The following COL10A1 variants were observed in gnomAD, a reference collection of about 807,000 sequenced individuals.
COL10A1 encodes the protein collagen type X alpha 1 chain.
Under a neutral mutation model 18.2 loss-of-function variants are expected in COL10A1, and 10 were observed. The observed-to-expected ratio is 0.55, with a 90% confidence interval of 0.34 to 0.93. The LOEUF is 0.93. Among genes scored for constraint, COL10A1 ranks in the 40% least tolerant of loss-of-function variants. The probability of loss-of-function intolerance (pLI) is 0.02; values close to 1 mark genes in which losing one functional copy is unlikely to be tolerated. For synonymous variants in COL10A1, 330 were observed against 316.6 expected (o/e 1.04, Z -0.45); for missense variants, 897 against 853.5 (o/e 1.05, Z -0.64).
intron 1 of COL10A1, among the ~76,000 whole-genome samples, chr6:116,142,973 T>A (rs1312264648): frequency 6.6e-6 from 1 of 152,146 alleles, no homozygotes; most frequent in Non-Finnish European, 1.5e-5. Flanking sequence ...GGTGGGAAAA[T>A]TTGATGGATA....
At chr6:116,133,306 C>A (rs6915121) in intron 1 of COL10A1, among the ~76,000 whole-genome samples, 140 of 152,268 alleles carry the variant, frequency 9.2e-4, no homozygotes, top group African/African-American at 3.3e-3. Flanking sequence ...ACAACTTCAG[C>A]TTTCACATGC....
the COL10A1 span, among the ~76,000 whole-genome samples, chr6:116,182,631 C>T: frequency 7.2e-5 from 11 of 151,868 alleles, no homozygotes; most frequent in Non-Finnish European, 1.5e-4. Flanking sequence ...TTTCCCTGAT[C>T]GCTAGTGATG....
chr6:116,129,637 G>A (rs1357954555), upstream of COL10A1, among the ~76,000 whole-genome samples: 5 of 152,224 alleles, frequency 3.3e-5, no homozygotes, highest in East Asian at 7.7e-4. Context: ...CCATCCTCTT[G>A]GACTTCCTAG....
chr6:116,147,970 GCGAGAC>G (rs1432156830), intron 1 of COL10A1, among the ~76,000 whole-genome samples: 1 of 151,270 alleles, frequency 6.6e-6, no homozygotes, highest in East Asian at 1.9e-4. Context: ...TGGCGACAGA[GCGAGAC>G]TCTGTCTCAA....
At chr6:116,189,169 TA>T in the COL10A1 span, among the ~76,000 whole-genome samples, 1 of 151,930 alleles carries the variant, frequency 6.6e-6, no homozygotes, top group African/African-American at 2.4e-5. Flanking sequence ...TTCTTTTTTT[TA>T]GTTGACCACT....
the COL10A1 span, among the ~76,000 whole-genome samples, chr6:116,175,283 A>G: frequency 6.6e-6 from 1 of 152,098 alleles, no homozygotes; most frequent in African/African-American, 2.4e-5. Context: ...TTCTGACACT[A>G]TAGGTTAGTT....
At chr6:116,182,222 A>AGTGTGTGTGTGTGTGT in the COL10A1 span, among the ~76,000 whole-genome samples, 342 of 124,676 alleles carry the variant, frequency 2.7e-3, 3 homozygotes, top group African/African-American at 9.6e-3. Flanking sequence ...TTCCATGGAG[A>AGTGTGTGTGTGTGTGT]GTGTGTGTGT....
At chr6:116,207,341 T>C in the COL10A1 span, among the ~76,000 whole-genome samples, 1 of 143,442 alleles carries the variant, frequency 7.0e-6, no homozygotes, top group Non-Finnish European at 1.5e-5. Flanking sequence ...TTTTTTATGG[T>C]GGACTTAATG....
the COL10A1 span, among the ~76,000 whole-genome samples, chr6:116,202,872 A>G: frequency 6.6e-6 from 1 of 152,022 alleles, no homozygotes; most frequent in Non-Finnish European, 1.5e-5. Flanking sequence ...CTTAACTAGA[A>G]AATCTTAAGG....
At chr6:116,179,881 C>T in the COL10A1 span, among the ~76,000 whole-genome samples, 1 of 152,124 alleles carries the variant, frequency 6.6e-6, no homozygotes, top group Non-Finnish European at 1.5e-5. Flanking sequence ...AAATCACTCT[C>T]ATCCTAAAGG....
chr6:116,121,060 C>G lies in COL10A1; in HGVS notation c.1056G>C (p.Pro352=). 6.2e-7 allele frequency: 1 copy of G among 1,614,062 alleles called. No individual in the cohort carries two copies. The highest frequency in any genetic ancestry group is 8.5e-7 in the Non-Finnish European group (1 of 1,179,956). ...TAGGGCCTGGGAGACCATGGCTACC[C>G]GGGATGCCTTTTGGTCCTTGGGGTC... ...NMGPQGPKGI[P]GSHGLPGPKG... The change falls in exon 3 of 3, where the codon CCG becomes CCC. Residue 352 remains proline (P), a synonymous_variant. Transcript: ENST00000651968.
At chr6:116,170,838 C>T in the COL10A1 span, among the ~76,000 whole-genome samples, 9 of 152,266 alleles carry the variant, frequency 5.9e-5, no homozygotes, top group East Asian at 7.7e-4. Context: ...TCCCACCTGC[C>T]GTGTAGCCTA....
At chr6:116,183,715 G>A in the COL10A1 span, among the ~76,000 whole-genome samples, 2 of 151,826 alleles carry the variant, frequency 1.3e-5, no homozygotes, top group Admixed American at 6.6e-5. Context: ...CACTGTTAGT[G>A]TATAGCAGGG....
At chr6:116,190,828 AG>A in the COL10A1 span, among the ~76,000 whole-genome samples, 2 of 152,114 alleles carry the variant, frequency 1.3e-5, no homozygotes, top group East Asian at 3.9e-4. Context: ...TAATCCAAGA[AG>A]GTGCCAGAGA....
chr6:116,153,353 A>G (rs2114403402), intron 1 of COL10A1, among the ~76,000 whole-genome samples: 1 of 152,168 alleles, frequency 6.6e-6, no homozygotes, highest in Non-Finnish European at 1.5e-5. Flanking sequence ...TTTCACAAAC[A>G]TCTTGAGGGT....
chr6:116,166,076 C>T, the COL10A1 span, among the ~76,000 whole-genome samples: 1 of 152,126 alleles, frequency 6.6e-6, no homozygotes, highest in Non-Finnish European at 1.5e-5. Context: ...GACAATTTGG[C>T]AGTCAGCAGC....
At chr6:116,161,252 T>C (rs1027434740), upstream of COL10A1, among the ~76,000 whole-genome samples, 3 of 149,200 alleles carry the variant, frequency 2.0e-5, no homozygotes, top group Non-Finnish European at 3.0e-5. Context: ...GATGACGAGT[T>C]AGTGGGTACA....
the COL10A1 span, among the ~76,000 whole-genome samples, chr6:116,204,068 G>C: frequency 6.6e-6 from 1 of 151,722 alleles, no homozygotes; most frequent in Non-Finnish European, 1.5e-5. Flanking sequence ...GCTCACTTTG[G>C]GCAGTATAAT....
the COL10A1 span, among the ~76,000 whole-genome samples, chr6:116,215,540 T>G: frequency 6.6e-6 from 1 of 152,170 alleles, no homozygotes; most frequent in Non-Finnish European, 1.5e-5. Flanking sequence ...TGTCATCAGA[T>G]CCATCTGCTG....
Sources: allele counts gnomAD v4.1 joint callset (sites outside exome capture counted in the v4.1 genomes callset), GRCh38; gene constraint gnomAD v4.1.1; transcripts MANE v1.5; gene names NCBI Gene and HGNC (gene_info 2026-07-23, HGNC 2026-07-21).